Variants in VPS50 observed in about 807,000 individuals in gnomAD.
The protein encoded by VPS50 is syndetin.
A neutral mutation model predicts 139.7 loss-of-function variants in VPS50; 70 were observed. That is an observed-to-expected ratio of 0.50 (90% CI 0.41 to 0.61). The LOEUF is 0.61. VPS50 is among the 20% of genes least tolerant of loss of function. VPS50 has a pLI of 0.00. For missense variants in VPS50, 921 were observed against 1,133.7 expected, an observed-to-expected ratio of 0.81 and a Z score of 2.69; for synonymous variants, 365 against 376.7, an observed-to-expected ratio of 0.97 and a Z score of 0.36.
intron 17 of VPS50, among the ~76,000 whole-genome samples, chr7:93,303,993 T>A (rs1269285972): frequency 6.6e-6 from 1 of 151,856 alleles, no homozygotes; most frequent in Admixed American, 6.6e-5. Flanking sequence ...TTCTTAAATT[T>A]GCCTGTAATG....
Position 93,271,259 on chromosome 7 carries a change from T to A in VPS50, c.699T>A (p.Ile233=). The change falls in exon 10 of 28, where the codon ATT becomes ATA. Residue 233 remains isoleucine (I), a synonymous_variant. Transcript: ENST00000305866. ...AGCTGCAAGATACTTTGGAACAGAT[T>A]GAGGTAAGAAGTATTATATCCTAAC... ...NSKLQDTLEQ[I]EEQLDVALSK... The A allele has an allele frequency of 6.4e-7, 1 of 1,561,146 alleles. No individual in the cohort carries two copies. Among genetic ancestry groups the A allele is most frequent in the African/African-American group, 1.4e-5 (1 of 70,830 alleles).
rs1278347394 is a variant in VPS50, at chr7:93,262,533, A to G, written c.659+2901A>G. Among the ~76,000 whole-genome samples, 2 of 152,262 alleles carry G rather than the reference A, an allele frequency of 1.3e-5. 1 individual carries two copies. The highest frequency in any genetic ancestry group is 4.1e-4 in the South Asian group (2 of 4,834). On this transcript the variant is annotated intron_variant, in intron 9 of 27. Transcript: ENST00000305866. ...TAGATATGTGAGTCATGCATGTGAT[A>G]ATAAGAAGAATTGGTCTTATTCTCT...
At chr7:93,319,281 C>A (rs1474344495) in intron 20 of VPS50, among the ~76,000 whole-genome samples, 1 of 152,106 alleles carries the variant, frequency 6.6e-6, no homozygotes, top group Admixed American at 6.5e-5. Flanking sequence ...ACACTTCTCT[C>A]TGTGTCTCCC....
intron 12 of VPS50, among the ~76,000 whole-genome samples, chr7:93,282,078 C>T (rs1796345396): frequency 6.6e-6 from 1 of 151,928 alleles, no homozygotes; most frequent in South Asian, 2.1e-4. Flanking sequence ...GTGGCGGGCG[C>T]TTGTAGTCCC....
chr7:93,240,249 A>T (rs11768330), intron 2 of VPS50, among the ~76,000 whole-genome samples: 17,402 of 108,760 alleles, frequency 0.16, 1,064 homozygotes, highest in East Asian at 0.22. Flanking sequence ...ACACACACAC[A>T]CTCTCTCTCT....
At chr7:93,295,999 T>G (rs527707003) in intron 14 of VPS50, among the ~76,000 whole-genome samples, 1 of 152,286 alleles carries the variant, frequency 6.6e-6, no homozygotes, top group African/African-American at 2.4e-5. Flanking sequence ...GTGCTGGGAT[T>G]ACAGGCATCA....
chr7:93,265,343 T>G lies in VPS50; in HGVS notation c.659+5711T>G, dbSNP rs74404236. ...TGCCATACGTCTCTGTTGCAACTAT[T>G]CAACTCTGCCTTTGTAGTCTGAAAG... On this transcript the variant is annotated intron_variant, in intron 9 of 27. Transcript: ENST00000305866. Among the ~76,000 whole-genome samples, 14 of 152,276 alleles carry G rather than the reference T, an allele frequency of 9.2e-5. No individual in the cohort carries two copies. In the East Asian group the frequency reaches 2.7e-3, roughly 29 times the overall value.
Position 93,311,201 on chromosome 7 carries a change from C to A in VPS50, c.1784C>A (p.Ser595Ter). The A allele has an allele frequency of 1.4e-6, 2 of 1,395,854 alleles. No homozygotes were observed. Among genetic ancestry groups the A allele is most frequent in the Non-Finnish European group, 2.0e-6 (2 of 981,480 alleles). 86.5% of individuals were successfully genotyped at this position (1,395,854 alleles called of 1,614,324 possible). A position where few individuals can be genotyped will look rare whatever the true frequency, so the allele number is the denominator to read the frequency against. Residue 595 changes from serine (S) to a stop codon, truncating the protein, a stop_gained, in exon 20 of 28, where the codon TCA becomes TAA. Coordinates refer to ENST00000305866, the MANE Select transcript of VPS50 (RefSeq NM_017667.4). LOFTEE classifies it high-confidence loss of function. Reference protein sequence around the residue: ...SRETLKSRKKSDYSLNKVNAP... With the variant: ...SRETLKSRKK ...GAAACTCTAAAAAGCAGGAAGAAATCAGATTACAGTCTAAATAAAGTGAAT... is the reference window on the plus strand; with the variant it reads ...GAAACTCTAAAAAGCAGGAAGAAATAAGATTACAGTCTAAATAAAGTGAAT...
At chr7:93,271,056 A>G (rs1051261635) in intron 9 of VPS50, 164 bp from the exon 10 acceptor site, 21 of 1,112,572 alleles carry the variant, frequency 1.9e-5, no homozygotes, top group Non-Finnish European at 2.5e-5. Flanking sequence ...CCCTTCTAAT[A>G]CTTTTTCTTA....
chr7:93,258,954 G>GA (rs1795580617), intron 8 of VPS50, among the ~76,000 whole-genome samples: 1 of 151,994 alleles, frequency 6.6e-6, no homozygotes, highest in South Asian at 2.1e-4. Flanking sequence ...TGAGCATAGG[G>GA]AAAAGTTTTT....
In VPS50 at chr7:93,323,608, C is replaced by A; in HGVS notation, c.1856-3C>A. 1 of 1,226,546 alleles carries A rather than the reference C, an allele frequency of 8.2e-7. No individual in the cohort carries two copies. Among genetic ancestry groups the A allele is most frequent in the Non-Finnish European group, 1.1e-6 (1 of 919,900 alleles). 76.0% of individuals were successfully genotyped at this position (1,226,546 alleles called of 1,614,324 possible). On this transcript the variant is annotated splice_region_variant and splice_polypyrimidine_tract_variant and intron_variant, in intron 20 of 27. Coordinates refer to ENST00000305866, the MANE Select transcript of VPS50 (RefSeq NM_017667.4). ...TTAATTTTTTATTCTTTTTTCTTTT[C>A]AGGAAAATATATGCAGATGATGAAC...
At chr7:93,351,176 A>G (rs956683563) in intron 25 of VPS50, among the ~76,000 whole-genome samples, 6 of 152,146 alleles carry the variant, frequency 3.9e-5, no homozygotes, top group African/African-American at 1.4e-4. Context: ...AGGAGTTTCC[A>G]TAGAGATCTT....
intron 2 of VPS50, among the ~76,000 whole-genome samples, chr7:93,248,217 A>G (rs1343329126): frequency 6.6e-6 from 1 of 151,948 alleles, no homozygotes; most frequent in Non-Finnish European, 1.5e-5. Flanking sequence ...CTTAAATCAT[A>G]TGTTTAAGTA....
chr7:93,253,937 T>TAA lies in VPS50; in HGVS notation c.297+15_297+16dup. ...TGAAACAACAGCAAGCTGCAGTAAG[T>TAA]AAAAAAAAAACACATTTCTTTCTGG... On this transcript the variant is annotated splice_region_variant and intron_variant, in intron 4 of 27. Transcript: ENST00000305866. The TAA allele has an allele frequency of 7.0e-5, 99 of 1,413,086 alleles. No homozygotes were observed. The highest frequency in any genetic ancestry group is 1.2e-4 in the South Asian group (9 of 74,892). The allele number at this position is 1,413,086 out of a possible 1,614,324, so 87.5% of individuals were successfully genotyped here. A position where few individuals can be genotyped will look rare whatever the true frequency, so the allele number is the denominator to read the frequency against.
chr7:93,327,827 G>A (rs923381888), intron 21 of VPS50, among the ~76,000 whole-genome samples: 3 of 152,142 alleles, frequency 2.0e-5, no homozygotes, highest in Non-Finnish European at 2.9e-5. Flanking sequence ...TAGTGGTACC[G>A]GGGAGGGGGA....
At chr7:93,317,590 C>T (rs891135519) in intron 20 of VPS50, among the ~76,000 whole-genome samples, 1 of 152,076 alleles carries the variant, frequency 6.6e-6, no homozygotes, top group Non-Finnish European at 1.5e-5. Context: ...CGATTGCTGT[C>T]CCCCACTCCC....
chr7:93,275,659 G>A, intron 11 of VPS50, among the ~76,000 whole-genome samples: 1 of 152,110 alleles, frequency 6.6e-6, no homozygotes, highest in Non-Finnish European at 1.5e-5. Context: ...AATTTGCTTT[G>A]TGAGGTATGC....
chr7:93,330,649 G>T (rs1190487404), intron 21 of VPS50, among the ~76,000 whole-genome samples: 1 of 150,772 alleles, frequency 6.6e-6, no homozygotes, highest in Non-Finnish European at 1.5e-5. Flanking sequence ...AGTTACTCGG[G>T]ATGCTGAGGC....
rs367907923 is a variant in VPS50 at position 93,259,538 on chromosome 7, T to C, written c.577-12T>C. 1.6e-5 allele frequency: 23 copies of C among 1,450,370 alleles called. No homozygotes were observed. Among genetic ancestry groups the C allele is most frequent in the Non-Finnish European group, 2.1e-5 (22 of 1,034,688 alleles). The allele number at this position is 1,450,370 out of a possible 1,614,324, so 89.8% of individuals were successfully genotyped here. On this transcript the variant is annotated splice_polypyrimidine_tract_variant and intron_variant, in intron 8 of 27. Transcript: ENST00000305866. ...TTTCTATTCCAATGACTCCTGTTGT[T>C]GTTACCTTAAGGAGGAAGATTATCC... is the stretch of plus-strand genomic sequence containing the variant.
Sources: allele counts gnomAD v4.1 joint callset (sites outside exome capture counted in the v4.1 genomes callset), GRCh38; gene constraint gnomAD v4.1.1; transcripts MANE v1.5; gene names NCBI Gene and HGNC (gene_info 2026-07-23, HGNC 2026-07-21).